CHRNG: variants seen among roughly 807,000 people sequenced by gnomAD.
CHRNG encodes cholinergic receptor nicotinic gamma subunit.
CHRNG carries 72 observed loss-of-function variants against 65.2 expected under a neutral mutation model. The observed-to-expected ratio is 1.10, with a 90% confidence interval of 0.91 to 1.34. CHRNG has a LOEUF of 1.34. CHRNG is among the 40% of genes most tolerant of loss of function. The pLI is 0.00. For missense variants in CHRNG, 637 were observed against 680.1 expected, an observed-to-expected ratio of 0.94 and a Z score of 0.70; for synonymous variants, 284 against 290.2, an observed-to-expected ratio of 0.98 and a Z score of 0.22.
rs778517594 is a variant in CHRNG at position 232,543,041 on chromosome 2, T to A, written c.764T>A (p.Ile255Asn). 5.0e-6 allele frequency: 8 copies of A among 1,614,100 alleles called. No individual in the cohort carries two copies. The highest frequency in any genetic ancestry group is 6.8e-6 in the Non-Finnish European group (8 of 1,180,046). ...AACATCATCGCCCCCTGTGTGCTCA[T>A]CTCCTCTGTCGCCATCCTCATCCAC... Reference protein sequence around the residue: ...VINIIAPCVLISSVAILIHFL... With the variant: ...VINIIAPCVLNSSVAILIHFL... The change falls in exon 7 of 12, where the codon ATC becomes AAC. Residue 255 changes from isoleucine (I) to asparagine (N), a missense_variant. Transcript: ENST00000651502.
Position 232,541,609 on chromosome 2 carries a change from G to T in CHRNG, c.506+80G>T. 6.4e-7 allele frequency: 1 copy of T among 1,553,540 alleles called. No individual in the cohort carries two copies. ...AGTGGTGGGGTAAGGCCTGGGCAAGGCTTCTGGCCTTGGCTCTGGCAGCAC... is the reference window on the plus strand; with the variant it reads ...AGTGGTGGGGTAAGGCCTGGGCAAGTCTTCTGGCCTTGGCTCTGGCAGCAC... On this transcript the variant is annotated intron_variant, in intron 5 of 11. Coordinates refer to ENST00000651502, the MANE Select transcript of CHRNG (RefSeq NM_005199.5). This position sits in a 1 kb window ranked among gnomAD's most constrained non-coding sequence, Gnocchi z 4.0.
Position 232,541,847 on chromosome 2 carries a change from C to T in CHRNG, c.506+318C>T, listed in dbSNP as rs562309308. On this transcript the variant is annotated intron_variant, in intron 5 of 11. Transcript: ENST00000651502. This position sits in a 1 kb window ranked among gnomAD's most constrained non-coding sequence, Gnocchi z 4.0. Reference sequence around the variant, plus strand: ...CACAAGATGCGTGTCTGCGCACACACGAAACCACTGCACACTCCAGGCCCA... The same window carrying T: ...CACAAGATGCGTGTCTGCGCACACATGAAACCACTGCACACTCCAGGCCCA... The T allele has an allele frequency of 2.2e-5, 10 of 452,786 alleles. No homozygotes were observed. The highest frequency in any genetic ancestry group is 1.1e-4 in the South Asian group (5 of 47,096). The allele number at this position is 452,786 out of a possible 1,614,324, so 28.0% of individuals were successfully genotyped here. A position where few individuals can be genotyped will look rare whatever the true frequency, so the allele number is the denominator to read the frequency against.
intron 11 of CHRNG, 31 bp downstream of exon 11, chr2:232,544,933 A>G (rs1692096917): frequency 1.2e-6 from 2 of 1,613,332 alleles, no homozygotes; most frequent in Non-Finnish European, 1.7e-6. Flanking sequence ...GTGGAGGTGG[A>G]GTGAGTACCT....
At position 232,547,260 on chromosome 2, in the gene CHRNG, A is replaced by C. The variant is rs539523626; in HGVS notation, c.*1544A>C. Among the ~76,000 whole-genome samples, 304 of 152,188 alleles carry C rather than the reference A, an allele frequency of 2.0e-3. 1 individual carries two copies. The highest frequency in any genetic ancestry group is 6.9e-3 in the African/African-American group (288 of 41,510). On this transcript the variant is annotated 3_prime_UTR_variant, in exon 12 of 12. Coordinates refer to ENST00000651502, the MANE Select transcript of CHRNG (RefSeq NM_005199.5). Reference sequence around the variant, plus strand: ...GGGGACACCCGGCCTCTACCAAAAAATACAAAACTTAGCTGGGCGTGGTGA... The same window carrying C: ...GGGGACACCCGGCCTCTACCAAAAACTACAAAACTTAGCTGGGCGTGGTGA...
rs753759008 is a variant in CHRNG at position 232,541,389 on chromosome 2, C to G, written c.366C>G (p.Phe122Leu). The G allele has an allele frequency of 1.9e-6, 3 of 1,614,090 alleles. No homozygotes were observed. The highest frequency in any genetic ancestry group is 2.5e-6 in the Non-Finnish European group (3 of 1,179,992). The change falls in exon 5 of 12, where the codon TTC (phenylalanine) becomes TTG (leucine). Residue 122 changes from phenylalanine (F) to leucine (L), a missense_variant. Phe to Leu is a conservative substitution (Grantham distance 22, BLOSUM62 0). Coordinates refer to ENST00000651502, the MANE Select transcript of CHRNG (RefSeq NM_005199.5). This position sits in a 1 kb window ranked among gnomAD's most constrained non-coding sequence, Gnocchi z 4.0. Reference sequence around the variant, plus strand: ...GTGCATACAGCGTGGACGGTGTCTTCGAGGTGGCCCTCTACTGCAATGTGC... The same window carrying G: ...GTGCATACAGCGTGGACGGTGTCTTGGAGGTGGCCCTCTACTGCAATGTGC... ...IVLENNVDGV[F>L]EVALYCNVLV... is the part of the protein sequence containing the mutation.
chr2:232,544,409 C>A lies in CHRNG; in HGVS notation c.1078C>A (p.Arg360Ser), dbSNP rs200263643. 5.0e-6 allele frequency: 8 copies of A among 1,613,562 alleles called. No individual in the cohort carries two copies. The highest frequency in any genetic ancestry group is 2.7e-5 in the African/African-American group (2 of 75,058). ...LLPQLLRMHV[R>S]PLAPAAVQDT... The stretch of plus-strand genomic sequence containing the variant: ...GCCCCAGCTGCTGAGGATGCACGTT[C>A]GCCCGCTGGCCCCGGCAGCTGTGCA... Residue 360 changes from arginine (R) to serine (S), a missense_variant, in exon 10 of 12, where the codon CGC (arginine) becomes AGC (serine). Physicochemically the swap from Arg to Ser is moderately radical, Grantham distance 110. Coordinates refer to ENST00000651502, the MANE Select transcript of CHRNG (RefSeq NM_005199.5).
intron 11 of CHRNG, 75 bp downstream of exon 11, chr2:232,544,977 G>C (rs1259838289): frequency 6.3e-7 from 1 of 1,594,590 alleles, no homozygotes; most frequent in Non-Finnish European, 8.6e-7. Flanking sequence ...AGGATGAGTG[G>C]GGTTGCCAAG....
At chr2:232,542,126 T>A (rs1221669091) in intron 5 of CHRNG, among the ~76,000 whole-genome samples, 2 of 152,124 alleles carry the variant, frequency 1.3e-5, no homozygotes, top group Non-Finnish European at 2.9e-5. Context: ...ATTGCCATCA[T>A]CAGCCCCTCC....
In CHRNG at chr2:232,541,365, T is replaced by C. The variant is rs764382582; in HGVS notation, c.351-9T>C. 10 of 1,613,884 alleles carry C rather than the reference T, an allele frequency of 6.2e-6. No individual in the cohort carries two copies. In the South Asian group the frequency reaches 8.8e-5, roughly 14 times the overall value. On this transcript the variant is annotated splice_polypyrimidine_tract_variant and intron_variant, in intron 4 of 11. Transcript: ENST00000651502. This position sits in a 1 kb window ranked among gnomAD's most constrained non-coding sequence, Gnocchi z 4.0. Reference sequence around the variant, plus strand: ...CAGCCTCGTGGCCTGGCCTGTTCTGTGCATACAGCGTGGACGGTGTCTTCG... The same window carrying C: ...CAGCCTCGTGGCCTGGCCTGTTCTGCGCATACAGCGTGGACGGTGTCTTCG...
At position 232,545,608 on chromosome 2, in the gene CHRNG, G is replaced by A. The variant is rs375174291; in HGVS notation, c.1446G>A (p.Ser482=). The A allele has an allele frequency of 4.1e-5, 66 of 1,614,038 alleles. No individual in the cohort carries two copies. Among genetic ancestry groups the A allele is most frequent in the Admixed American group, 5.0e-5 (3 of 60,016 alleles). ...GCGTCTGCTTCCTGGCCATGCTCTCGCTCTTCATCTGTGGCACAGCTGGCA... is the reference window on the plus strand; with the variant it reads ...GCGTCTGCTTCCTGGCCATGCTCTCACTCTTCATCTGTGGCACAGCTGGCA... ...LDRVCFLAML[S]LFICGTAGIF... is the part of the protein sequence containing the mutation. The change falls in exon 12 of 12, where the codon TCG becomes TCA. Residue 482 remains serine, a synonymous_variant. Coordinates refer to ENST00000651502, the MANE Select transcript of CHRNG (RefSeq NM_005199.5).
In CHRNG at chr2:232,546,305, CCT is replaced by C. The variant is rs1491095701; in HGVS notation, c.*592_*593del. On this transcript the variant is annotated 3_prime_UTR_variant, in exon 12 of 12. Transcript: ENST00000651502. ...AAGACGATTTCCTGAGTTTTGTAAT[CCT>C]CTTTTTTTTTTTTTTTTTTTTAGTT... The C allele has an allele frequency of 1.3e-4, 15 of 114,814 alleles. 1 individual carries two copies. The South Asian group carries it at 2.5e-3, about 20-fold the overall frequency. The allele number at this position is 114,814 out of a possible 1,614,324, so 7.1% of individuals were successfully genotyped here. A position where few individuals can be genotyped will look rare whatever the true frequency, so the allele number is the denominator to read the frequency against.
chr2:232,545,700 T>G lies in CHRNG; in HGVS notation c.1538T>G (p.Leu513Arg), dbSNP rs1692119658. The G allele has an allele frequency of 1.9e-6, 3 of 1,614,038 alleles. No individual in the cohort carries two copies. In the African/African-American group the frequency reaches 4.0e-5, roughly 22 times the overall value. ...LPFPGDPRPYLPSPD is the reference protein window; with the variant it reads ...LPFPGDPRPYRPSPD ...TTCCCTGGAGATCCACGCCCCTACC[T>G]GCCCTCACCAGACTGAGCCAACCAA... The change falls in exon 12 of 12, where the codon CTG (leucine) becomes CGG (arginine). Residue 513 changes from leucine (L) to arginine (R), a missense_variant. Physicochemically the swap from Leu to Arg is moderately radical, Grantham distance 102 (BLOSUM62 -2). Coordinates refer to ENST00000651502, the MANE Select transcript of CHRNG (RefSeq NM_005199.5).
In CHRNG at chr2:232,541,580, G is replaced by A. The variant is rs756329291; in HGVS notation, c.506+51G>A. The A allele has an allele frequency of 6.2e-6, 10 of 1,602,016 alleles. No homozygotes were observed. In the African/African-American group the frequency reaches 6.7e-5, roughly 11 times the overall value. On this transcript the variant is annotated intron_variant, in intron 5 of 11. Coordinates refer to ENST00000651502, the MANE Select transcript of CHRNG (RefSeq NM_005199.5). This position sits in a 1 kb window ranked among gnomAD's most constrained non-coding sequence, Gnocchi z 4.0. Reference sequence around the variant, plus strand: ...AAGAGAGCTGCTCTCAGAGGGGCCTGGGCAGTGGTGGGGTAAGGCCTGGGC... The same window carrying A: ...AAGAGAGCTGCTCTCAGAGGGGCCTAGGCAGTGGTGGGGTAAGGCCTGGGC...
At chr2:232,542,297 C>T (rs1692032938) in intron 5 of CHRNG, 126 bp from the exon 6 acceptor site, 2 of 709,384 alleles carry the variant, frequency 2.8e-6, no homozygotes, top group Non-Finnish European at 5.1e-6. Flanking sequence ...TTATAGAGAA[C>T]TCAGAAGCGT....
rs1553578018 is a variant in CHRNG at position 232,543,483 on chromosome 2, C to CCCG, written c.920+96_920+97insGCC. ...ATTGCCCTCTTGCCCTCCATCCACC[C>CCCG]CCCCCATCCTCAATTCAGGAGGCCT... On this transcript the variant is annotated intron_variant, in intron 8 of 11. Transcript: ENST00000651502. 4 of 1,178,264 alleles carry CCCG rather than the reference C, an allele frequency of 3.4e-6. No individual in the cohort carries two copies. In the East Asian group the frequency reaches 7.4e-5, roughly 22 times the overall value. 73.0% of individuals were successfully genotyped at this position (1,178,264 alleles called of 1,614,324 possible). A position where few individuals can be genotyped will look rare whatever the true frequency, so the allele number is the denominator to read the frequency against.
chr2:232,543,278 G>T lies in CHRNG; in HGVS notation c.809G>T (p.Gly270Val). ...AGAGCCTCTCGGTCATGGATAGCTG[G>T]GGGCCAGAAGTGTACCGTCGCCATC... ...ILIHFLPAKA[G>V]GQKCTVAINV... The change falls in exon 8 of 12, where the codon GGG becomes GTG. Residue 270 changes from glycine to valine, a missense_variant. By Grantham distance (109) the Gly-to-Val change is moderately radical (BLOSUM62 -3). Coordinates refer to ENST00000651502, the MANE Select transcript of CHRNG (RefSeq NM_005199.5). 1 of 1,613,540 alleles carries T rather than the reference G, an allele frequency of 6.2e-7. No homozygotes were observed. Among genetic ancestry groups the T allele is most frequent in the South Asian group, 1.1e-5 (1 of 91,070 alleles).
chr2:232,542,338 C>A, intron 5 of CHRNG, 85 bp from the exon 6 acceptor site: 1 of 871,412 alleles, frequency 1.1e-6, no homozygotes. Context: ...AAAAGCTGCC[C>A]ACACTTGTCC....
At position 232,542,949 on chromosome 2, in the gene CHRNG, G is replaced by A. The variant is rs1692047529; in HGVS notation, c.672G>A (p.Gln224=). ...KMLLDPAAPA[Q]EAGHQKVVFY... is the part of the protein sequence containing the mutation. Reference sequence around the variant, plus strand: ...TCCTGGACCCAGCGGCGCCAGCCCAGGAAGCAGGCCACCAGAAGGTGGTGT... The same window carrying A: ...TCCTGGACCCAGCGGCGCCAGCCCAAGAAGCAGGCCACCAGAAGGTGGTGT... The change falls in exon 7 of 12, where the codon CAG becomes CAA. Residue 224 remains glutamine, a synonymous_variant. Coordinates refer to ENST00000651502, the MANE Select transcript of CHRNG (RefSeq NM_005199.5). 6.2e-7 allele frequency: 1 copy of A among 1,614,202 alleles called. No individual in the cohort carries two copies. The highest frequency in any genetic ancestry group is 1.7e-5 in the Admixed American group (1 of 60,034).
intron 7 of CHRNG, 28 bp from the exon 8 acceptor site, chr2:232,543,247 G>C: frequency 6.3e-7 from 1 of 1,597,254 alleles, no homozygotes; most frequent in South Asian, 1.1e-5. Flanking sequence ...GTAGGAACCT[G>C]CTCTGAGAGC....
Sources: gnomAD v4.1 joint callset for allele counts (sites outside exome capture counted in the v4.1 genomes callset) on GRCh38, gnomAD v4.1.1 for gene constraint, Gnocchi (gnomAD v3.1) non-coding constraint, MANE v1.5 for transcripts, NCBI Gene and HGNC (gene_info 2026-07-23, HGNC 2026-07-21) for gene names.